Variants in NUP107 observed in about 807,000 individuals in gnomAD.
The protein encoded by NUP107 is nucleoporin 107.
Under a neutral mutation model 141.0 loss-of-function variants are expected in NUP107, and 101 were observed. The observed-to-expected ratio is 0.72, with a 90% CI of 0.61 to 0.84. The LOEUF (loss-of-function observed/expected upper bound fraction) is 0.84. Among genes scored for constraint, NUP107 ranks in the 40% least tolerant of loss-of-function variants. NUP107 has a pLI of 0.00. For missense variants in NUP107, 941 were observed against 1,102.7 expected (o/e 0.85, Z 2.08); for synonymous variants, 319 against 363.9 (o/e 0.88, Z 1.41).
rs144230399 is a variant in NUP107 at position 68,693,089 on chromosome 12, T to A, written c.448+977T>A. ...TATTTATTTATTTATTTATTTATTT[T>A]TTTTTTTAGACGGAGTCTCACTCTG... On this transcript the variant is annotated intron_variant, in intron 5 of 27. Transcript: ENST00000229179. Among the ~76,000 whole-genome samples, 1,402 of 150,470 alleles carry A rather than the reference T, an allele frequency of 9.3e-3. 11 individuals carry two copies. The highest frequency in any genetic ancestry group is 0.027 in the African/African-American group (1,107 of 41,054).
chr12:68,729,520 G>A (rs1275905141), intron 20 of NUP107, among the ~76,000 whole-genome samples: 2 of 148,696 alleles, frequency 1.3e-5, no homozygotes, highest in Non-Finnish European at 3.0e-5. Context: ...CACTGCCACT[G>A]CAGCCTCTGC....
intron 15 of NUP107, 30 bp from the exon 16 acceptor site, chr12:68,721,811 A>G (rs1877361804): frequency 5.0e-6 from 8 of 1,604,360 alleles, no homozygotes; most frequent in Admixed American, 3.5e-5. Context: ...GAATATGTCT[A>G]TATGTTTCTG....
rs1304463829 is a variant in NUP107, at chr12:68,744,398, A to G, written c.*1936A>G. 1.3e-5 allele frequency: 2 copies of G among 151,886 alleles called. No individual in the cohort carries two copies. The highest frequency in any genetic ancestry group is 2.9e-5 in the Non-Finnish European group (2 of 67,942). The allele number at this position is 151,886 out of a possible 1,614,324, so 9.4% of individuals were successfully genotyped here. A position where few individuals can be genotyped will look rare whatever the true frequency, so the allele number is the denominator to read the frequency against. ...GTTTTTAATTTTTATTTATTTATTTATTTTTGAGACATGGTCTTGCTCTGT... is the reference window on the plus strand; with the variant it reads ...GTTTTTAATTTTTATTTATTTATTTGTTTTTGAGACATGGTCTTGCTCTGT... On this transcript the variant is annotated 3_prime_UTR_variant, in exon 28 of 28. Coordinates refer to ENST00000229179, the MANE Select transcript of NUP107 (RefSeq NM_020401.4).
intron 5 of NUP107, among the ~76,000 whole-genome samples, chr12:68,692,867 A>G (rs1875877646): frequency 6.6e-6 from 1 of 150,478 alleles, no homozygotes; most frequent in Non-Finnish European, 1.5e-5. Flanking sequence ...CTCCTGCCTC[A>G]GTCTCCAGAG....
At chr12:68,736,739 T>G (rs1005125978) in intron 26 of NUP107, among the ~76,000 whole-genome samples, 2 of 140,738 alleles carry the variant, frequency 1.4e-5, no homozygotes, top group Admixed American at 6.9e-5. Flanking sequence ...TTTTTTTTTT[T>G]GAGAAAGAGT....
Position 68,744,839 on chromosome 12 carries a change from A to G in NUP107, c.*2377A>G, listed in dbSNP as rs1173152802. The stretch of plus-strand genomic sequence containing the variant: ...GAAGTGGTGGGCACCTGAGTGGGAA[A>G]TTTCAGGCAACTTAATTTAGTTCCT... On this transcript the variant is annotated 3_prime_UTR_variant, in exon 28 of 28. Transcript: ENST00000229179. The G allele has an allele frequency of 6.6e-6, 1 of 152,220 alleles. No individual in the cohort carries two copies. Among genetic ancestry groups the G allele is most frequent in the Non-Finnish European group, 1.5e-5 (1 of 68,038 alleles). 9.4% of individuals were successfully genotyped at this position (152,220 alleles called of 1,614,324 possible).
chr12:68,718,430 T>C (rs1286993243), intron 12 of NUP107, among the ~76,000 whole-genome samples: 4 of 152,206 alleles, frequency 2.6e-5, no homozygotes, highest in Non-Finnish European at 5.9e-5. Context: ...TACTGACTTA[T>C]TGGTCAAGTT....
In NUP107 at chr12:68,700,863, T is replaced by C; in HGVS notation, c.680+10T>C. 1.3e-6 allele frequency: 2 copies of C among 1,565,652 alleles called. No individual in the cohort carries two copies. Among genetic ancestry groups the C allele is most frequent in the Non-Finnish European group, 1.7e-6 (2 of 1,163,246 alleles). On this transcript the variant is annotated intron_variant, in intron 7 of 27. Transcript: ENST00000229179. The stretch of plus-strand genomic sequence containing the variant: ...TGGCTTCTTTGTATAGGTAATGGCG[T>C]CTAGAATTCATAAGTGAAATAAACA...
At chr12:68,703,359 A>G (rs1876426530) in intron 8 of NUP107, among the ~76,000 whole-genome samples, 1 of 152,246 alleles carries the variant, frequency 6.6e-6, no homozygotes, top group East Asian at 1.9e-4. Context: ...ATACATACAT[A>G]TATATAAACA....
At chr12:68,735,450 G>A in intron 26 of NUP107, 106 bp downstream of exon 26, 1 of 769,374 alleles carries the variant, frequency 1.3e-6, no homozygotes, top group Non-Finnish European at 2.3e-6. Flanking sequence ...TTACATAATT[G>A]TAGATATAGC....
intron 6 of NUP107, among the ~76,000 whole-genome samples, chr12:68,700,071 T>G (rs188958505): frequency 8.7e-4 from 133 of 152,020 alleles, no homozygotes; most frequent in African/African-American, 3.0e-3. Flanking sequence ...CCTGGCTAAT[T>G]TTTTATATTT....
At chr12:68,724,844 G>A (rs1877493947) in intron 17 of NUP107, among the ~76,000 whole-genome samples, 1 of 151,972 alleles carries the variant, frequency 6.6e-6, no homozygotes, top group African/African-American at 2.4e-5. Context: ...GAGGGTACTT[G>A]CCTTACTCAA....
chr12:68,740,365 C>CT (rs1181887929), intron 26 of NUP107: 1 of 152,188 alleles, frequency 6.6e-6, no homozygotes, highest in Non-Finnish European at 1.5e-5. Flanking sequence ...TAGCAAGTAT[C>CT]TATTTGAGAA....
Position 68,719,609 on chromosome 12 carries a change from A to G in NUP107, c.1206A>G (p.Pro402=), listed in dbSNP as rs1203704520. 1.4e-5 allele frequency: 22 copies of G among 1,613,200 alleles called. No homozygotes were observed. The highest frequency in any genetic ancestry group is 1.5e-5 in the Non-Finnish European group (18 of 1,179,302). ...GTELEPVEGN[P]YRRIWKISCW... ...AATTAGAACCTGTTGAAGGGAATCC[A>G]TATAGACGCATTTGGAAAATAAGTT... is the stretch of plus-strand genomic sequence containing the variant. The change falls in exon 14 of 28, where the codon CCA becomes CCG. Residue 402 remains proline, a synonymous_variant. Coordinates refer to ENST00000229179, the MANE Select transcript of NUP107 (RefSeq NM_020401.4).
intron 8 of NUP107, among the ~76,000 whole-genome samples, chr12:68,703,790 A>T (rs148948929): frequency 8.1e-4 from 124 of 152,318 alleles, no homozygotes; most frequent in African/African-American, 2.6e-3. Context: ...AGATTTTTTA[A>T]AATTTATGTA....
At chr12:68,723,178 G>A (rs1337129239) in intron 17 of NUP107, among the ~76,000 whole-genome samples, 1 of 152,032 alleles carries the variant, frequency 6.6e-6, no homozygotes, top group Admixed American at 6.6e-5. Context: ...GTTTAGACCA[G>A]CCTGGGCAGC....
intron 20 of NUP107, among the ~76,000 whole-genome samples, chr12:68,729,660 C>G (rs1203762906): frequency 6.6e-6 from 1 of 152,024 alleles, no homozygotes; most frequent in Non-Finnish European, 1.5e-5. Context: ...CCAGGCTGGT[C>G]TCAAATTCCT....
intron 8 of NUP107, chr12:68,705,551 A>AAGAATCACCAAGAAGC: frequency 3.8e-6 from 1 of 262,122 alleles, no homozygotes; most frequent in South Asian, 4.3e-5. Flanking sequence ...AAAAAAAAAA[A>AAGAATCACCAAGAAGC]AGAATCACCA....
chr12:68,706,785 T>C, intron 8 of NUP107: 1 of 759,112 alleles, frequency 1.3e-6, no homozygotes, highest in South Asian at 1.4e-5. Flanking sequence ...GACATCAAGA[T>C]CACCACTTAA....
Sources: gnomAD v4.1 joint callset for allele counts (sites outside exome capture counted in the v4.1 genomes callset) on GRCh38, gnomAD v4.1.1 for gene constraint, MANE v1.5 for transcripts, NCBI Gene and HGNC (gene_info 2026-07-23, HGNC 2026-07-21) for gene names.